TLN2: variants seen among roughly 807,000 people sequenced by gnomAD.
TLN2 encodes the protein talin 2, also known as talin-2.
TLN2 carries 118 observed loss-of-function variants against 294.7 expected under a neutral mutation model. The observed-to-expected ratio is 0.40, with a 90% CI of 0.34 to 0.47. TLN2 has a LOEUF of 0.47. Among genes scored for constraint, TLN2 ranks in the 20% least tolerant of loss-of-function variants. The pLI, the probability that TLN2 is intolerant of heterozygous loss-of-function variation, is 0.84. For synonymous variants in TLN2, 1,431 were observed against 1,304.5 expected (o/e 1.10, Z -2.09); for missense variants, 3,083 against 3,282.2 (o/e 0.94, Z 1.48).
intron 38 of TLN2, 128 bp from the exon 39 acceptor site, chr15:62,762,144 T>C (rs1595905492): frequency 8.9e-7 from 1 of 1,124,484 alleles, no homozygotes; most frequent in East Asian, 2.4e-5. Flanking sequence ...TCTTCATGGT[T>C]CCCTGCCCTC....
intron 54 of TLN2, chr15:62,830,307 G>A (rs2068681982): frequency 1.3e-5 from 2 of 152,546 alleles, no homozygotes; most frequent in African/African-American, 2.4e-5. Flanking sequence ...GAGAATGAGA[G>A]CTCCAGGAGA....
intron 3 of TLN2, among the ~76,000 whole-genome samples, chr15:62,641,749 G>T (rs2051139408): frequency 6.6e-6 from 1 of 152,182 alleles, no homozygotes; most frequent in Admixed American, 6.5e-5. Flanking sequence ...TTTTGTAGAG[G>T]AGGAGACTGA....
At chr15:62,758,378 C>T (rs556307444) in intron 37 of TLN2, among the ~76,000 whole-genome samples, 10 of 152,338 alleles carry the variant, frequency 6.6e-5, no homozygotes, top group South Asian at 2.1e-4. Context: ...GCTGTCTCTC[C>T]GAGTCACCAC....
rs1329206322 is a variant in TLN2, at chr15:62,404,315, A to G, written c.-238+13630A>G. ...TCTGAAGGGGGTACTTAAGCAGTCTACTTGGCAACTTTTGTCTCTGGGTTG... is the reference window on the plus strand; with the variant it reads ...TCTGAAGGGGGTACTTAAGCAGTCTGCTTGGCAACTTTTGTCTCTGGGTTG... On this transcript the variant is annotated intron_variant, in intron 1 of 58. Coordinates refer to ENST00000636159, the MANE Select transcript of TLN2 (RefSeq NM_015059.3). 3.9e-5 allele frequency among the ~76,000 whole-genome samples: 6 copies of G among 152,224 alleles called. No homozygotes were observed. The South Asian group carries it at 6.2e-4, about 16-fold the overall frequency.
At chr15:62,589,577 C>G (rs1416915708) in intron 1 of TLN2, 110 bp from the exon 2 acceptor site, 1 of 152,086 alleles carries the variant, frequency 6.6e-6, no homozygotes, top group Non-Finnish European at 1.5e-5. Context: ...TTCATTGTTT[C>G]CTGAGTTATT....
In TLN2 at chr15:62,739,522, A is replaced by T. The variant is rs1350652727; in HGVS notation, c.3862A>T (p.Ile1288Phe). 1 of 1,614,220 alleles carries T rather than the reference A, an allele frequency of 6.2e-7. No homozygotes were observed. The highest frequency in any genetic ancestry group is 8.5e-7 in the Non-Finnish European group (1 of 1,180,024). ...DDFDEFLDAG[I>F]EMAGQAQTKE... Reference sequence around the variant, plus strand: ...TTTTGATGAATTCCTCGATGCTGGCATTGAGATGGCTGGCCAAGCTCAGGT... The same window carrying T: ...TTTTGATGAATTCCTCGATGCTGGCTTTGAGATGGCTGGCCAAGCTCAGGT... The change falls in exon 31 of 59, where the codon ATT becomes TTT. Residue 1288 changes from isoleucine to phenylalanine, a missense_variant. By Grantham distance (21) the Ile-to-Phe change is conservative (BLOSUM62 0). Coordinates refer to ENST00000636159, the MANE Select transcript of TLN2 (RefSeq NM_015059.3).
intron 1 of TLN2, among the ~76,000 whole-genome samples, chr15:62,568,241 C>T (rs1011885106): frequency 6.6e-6 from 1 of 151,960 alleles, no homozygotes; most frequent in Non-Finnish European, 1.5e-5. Flanking sequence ...AGGGGACAAA[C>T]CTCCCTGCCC....
chr15:62,621,873 C>G (rs1005083735), intron 3 of TLN2, among the ~76,000 whole-genome samples: 1 of 152,192 alleles, frequency 6.6e-6, no homozygotes, highest in Admixed American at 6.5e-5. Flanking sequence ...CTAGCTAATT[C>G]TACCAAAGGG....
In TLN2 at chr15:62,737,077, A is replaced by T. The variant is rs1337767418; in HGVS notation, c.3558A>T (p.Arg1186Ser). Residue 1186 changes from arginine to serine, a missense_variant, in exon 29 of 59, where the codon AGA becomes AGT. Coordinates refer to ENST00000636159, the MANE Select transcript of TLN2 (RefSeq NM_015059.3). ...CTGGAGATGCAGAGCGTCAACAAAG[A>T]CTGGCTCAGGTGAGGCTAGGAATGA... The part of the protein sequence containing the change: ...IAPGDAERQQ[R>S]LAQVAKAVSH... The T allele has an allele frequency of 6.2e-7, 1 of 1,614,188 alleles. No individual in the cohort carries two copies. The highest frequency in any genetic ancestry group is 1.1e-5 in the South Asian group (1 of 91,078).
At position 62,771,168 on chromosome 15, in the gene TLN2, C is replaced by G. The variant is rs778706379; in HGVS notation, c.5367+34C>G. The G allele has an allele frequency of 5.8e-6, 9 of 1,555,298 alleles. No individual in the cohort carries two copies. In the South Asian group the frequency reaches 9.8e-5, roughly 17 times the overall value. Reference sequence around the variant, plus strand: ...CAGGATATCGGGGACTCACTTAGGACCACTAAGAAGCCATCATGCATTCCT... The same window carrying G: ...CAGGATATCGGGGACTCACTTAGGAGCACTAAGAAGCCATCATGCATTCCT... On this transcript the variant is annotated intron_variant, in intron 42 of 58. Coordinates refer to ENST00000636159, the MANE Select transcript of TLN2 (RefSeq NM_015059.3).
intron 26 of TLN2, among the ~76,000 whole-genome samples, chr15:62,723,142 C>T (rs2060246473): frequency 6.6e-6 from 1 of 152,186 alleles, no homozygotes; most frequent in Non-Finnish European, 1.5e-5. Flanking sequence ...TTTATAGAAA[C>T]AAGCAGCCTC....
intron 42 of TLN2, among the ~76,000 whole-genome samples, chr15:62,772,853 G>A (rs1227223848): frequency 6.6e-6 from 1 of 151,690 alleles, no homozygotes; most frequent in African/African-American, 2.4e-5. Flanking sequence ...TAGTAGAGAT[G>A]GGGTTTCACC....
intron 14 of TLN2, among the ~76,000 whole-genome samples, chr15:62,695,445 A>C (rs560303740): frequency 6.6e-6 from 1 of 152,178 alleles, no homozygotes; most frequent in Non-Finnish European, 1.5e-5. Flanking sequence ...GGCAGGATCT[A>C]TCTTTCCCAG....
chr15:62,742,321 C>G (rs539538758), intron 32 of TLN2, among the ~76,000 whole-genome samples: 7 of 152,168 alleles, frequency 4.6e-5, no homozygotes, highest in Non-Finnish European at 1.0e-4. Flanking sequence ...TGATAGAAAA[C>G]CCCCTCTTGA....
rs774148194 is a variant in TLN2, at chr15:62,737,042, C to T, written c.3523C>T (p.Leu1175=). The T allele has an allele frequency of 6.2e-7, 1 of 1,614,232 alleles. No homozygotes were observed. The part of the protein sequence containing the change: ...AMLIQEAKQA[L]IAPGDAERQQ... ...GCTCATTCAAGAGGCCAAGCAGGCC[C>T]TGATTGCACCTGGAGATGCAGAGCG... Residue 1175 remains leucine (L), a synonymous_variant, in exon 29 of 59, where the codon CTG becomes TTG. Coordinates refer to ENST00000636159, the MANE Select transcript of TLN2 (RefSeq NM_015059.3).
chr15:62,759,237 AAAT>A (rs1406441709), intron 37 of TLN2, among the ~76,000 whole-genome samples: 3 of 152,208 alleles, frequency 2.0e-5, no homozygotes, highest in African/African-American at 7.2e-5. Context: ...TTCAGAAGTG[AAAT>A]AATACCTGTG....
At chr15:62,741,767 G>GTGTGTGTGTGTGTGTGTGTGTGTA (rs1353440110) in intron 32 of TLN2, among the ~76,000 whole-genome samples, 13 of 151,674 alleles carry the variant, frequency 8.6e-5, no homozygotes, top group African/African-American at 3.2e-4. Flanking sequence ...GTGTGTGTGT[G>GTGTGTGTGTGTGTGTGTGTGTGTA]TCTTTATGTC....
At position 62,833,672 on chromosome 15, in the gene TLN2, A is replaced by T. The variant is rs370946329; in HGVS notation, c.7128+43A>T. On this transcript the variant is annotated intron_variant, in intron 55 of 58. Transcript: ENST00000636159. The stretch of plus-strand genomic sequence containing the variant: ...CCACATGCGGGACACTCAACGTACG[A>T]GAGCCTCAGGGGGCCCAGGAAAAGA... 3 of 1,598,044 alleles carry T rather than the reference A, an allele frequency of 1.9e-6. No individual in the cohort carries two copies. The East Asian group carries it at 6.7e-5, about 36-fold the overall frequency.
intron 1 of TLN2, among the ~76,000 whole-genome samples, chr15:62,580,425 T>TCCCTCCCTCCC (rs1555434887): frequency 9.5e-6 from 1 of 105,422 alleles, no homozygotes; most frequent in African/African-American, 3.5e-5. Context: ...CCTCCCTCCC[T>TCCCTCCCTCCC]TCCTTCCCAT....
Sources: allele counts gnomAD v4.1 joint callset (sites outside exome capture counted in the v4.1 genomes callset), GRCh38; gene constraint gnomAD v4.1.1; transcripts MANE v1.5; gene names NCBI Gene and HGNC (gene_info 2026-07-23, HGNC 2026-07-21).